The following CAT variants were observed in gnomAD, a reference collection of about 807,000 sequenced individuals.
CAT encodes epididymis secretory sperm binding protein.
Under a neutral mutation model 59.0 loss-of-function variants are expected in CAT, and 43 were observed. The observed-to-expected ratio is 0.73, with a 90% CI of 0.57 to 0.94. The LOEUF (loss-of-function observed/expected upper bound fraction) is 0.94, where lower values mean the gene tolerates loss of function less well. CAT is among the 40% of genes least tolerant of loss of function. The probability of loss-of-function intolerance (pLI) is 0.00; values close to 1 mark genes in which losing one functional copy is unlikely to be tolerated. For synonymous variants in CAT, 218 were observed against 230.9 expected (o/e 0.94, Z 0.51); for missense variants, 664 against 682.9 (o/e 0.97, Z 0.31).
At chr11:34,445,001 A>G (rs372500944) in intron 1 of CAT, among the ~76,000 whole-genome samples, 34 of 152,252 alleles carry the variant, frequency 2.2e-4, no homozygotes, top group African/African-American at 7.9e-4. Context: ...TGGAGGGGCG[A>G]TGCAGGGAGA....
intron 9 of CAT, among the ~76,000 whole-genome samples, chr11:34,463,230 A>G (rs1856671554): frequency 6.6e-6 from 1 of 152,248 alleles, no homozygotes; most frequent in South Asian, 2.1e-4. Flanking sequence ...TTGAGAAAAT[A>G]AATATGCTAA....
chr11:34,439,463 C>T (rs1424927175), intron 1 of CAT, among the ~76,000 whole-genome samples: 1 of 152,150 alleles, frequency 6.6e-6, no homozygotes, highest in African/African-American at 2.4e-5. Flanking sequence ...TGGTGCCCTT[C>T]TTGAAATACT....
intron 10 of CAT, among the ~76,000 whole-genome samples, chr11:34,466,768 G>T (rs1186966808): frequency 1.8e-5 from 2 of 108,710 alleles, no homozygotes; most frequent in Non-Finnish European, 3.4e-5. Context: ...GCGACAGAGC[G>T]AGACTCCGTC....
In CAT at chr11:34,453,145, C is replaced by T. The variant is rs373304220; in HGVS notation, c.536C>T (p.Pro179Leu). The T allele has an allele frequency of 2.8e-5, 45 of 1,613,388 alleles. No individual in the cohort carries two copies. Among genetic ancestry groups the T allele is most frequent in the Non-Finnish European group, 3.6e-5 (42 of 1,179,528 alleles). The change falls in exon 5 of 13, where the codon CCG (proline) becomes CTG (leucine). Residue 179 changes from proline (P) to leucine (L), a missense_variant. Transcript: ENST00000241052. The part of the protein sequence containing the change: ...KRNPQTHLKD[P>L]DMVWDFWSLR... ...AATCCTCAGACACATCTGAAGGATC[C>T]GGACATGGTCTGGGACTTCTGGAGC... is the stretch of plus-strand genomic sequence containing the variant.
intron 1 of CAT, among the ~76,000 whole-genome samples, chr11:34,446,880 T>C (rs918376151): frequency 5.9e-5 from 9 of 152,072 alleles, no homozygotes; most frequent in African/African-American, 2.2e-4. Context: ...TAGCTGGGAC[T>C]ACAGTCACCC....
In CAT at chr11:34,468,308, C is replaced by T. The variant is rs369711323; in HGVS notation, c.1347C>T (p.Asn449=). 6 of 1,613,748 alleles carry T rather than the reference C, an allele frequency of 3.7e-6. No individual in the cohort carries two copies. Among genetic ancestry groups the T allele is most frequent in the Middle Eastern group, 3.3e-4 (2 of 6,084 alleles). ...NVTQVRAFYV[N]VLNEEQRKRL... is the part of the protein sequence containing the mutation. ...AGCAGGTGCGGGCATTCTATGTGAACGTGCTGAATGAGGAACAGAGGAAAC... is the reference window on the plus strand; with the variant it reads ...AGCAGGTGCGGGCATTCTATGTGAATGTGCTGAATGAGGAACAGAGGAAAC... Residue 449 remains asparagine (N), a synonymous_variant, in exon 11 of 13, where the codon AAC becomes AAT. Transcript: ENST00000241052.
At chr11:34,470,832 T>TAGTACTGCC in intron 11 of CAT, 126 bp from the exon 12 acceptor site, 1 of 810,072 alleles carries the variant, frequency 1.2e-6, no homozygotes, top group Non-Finnish European at 2.2e-6. Context: ...TAAACACCTG[T>TAGTACTGCC]AGTACTGCCT....
intron 1 of CAT, among the ~76,000 whole-genome samples, chr11:34,447,064 A>G (rs1248229113): frequency 1.3e-5 from 2 of 152,124 alleles, no homozygotes; most frequent in South Asian, 4.1e-4. Flanking sequence ...TTTATTTTTT[A>G]AAGGCTTCCT....
intron 1 of CAT, among the ~76,000 whole-genome samples, chr11:34,445,606 G>A (rs973427299): frequency 6.6e-6 from 1 of 151,838 alleles, no homozygotes; most frequent in Non-Finnish European, 1.5e-5. Context: ...TTCATGAGTG[G>A]TGTGGGGCAG....
intron 1 of CAT, among the ~76,000 whole-genome samples, chr11:34,448,900 A>G (rs1468072088): frequency 2.0e-5 from 3 of 152,290 alleles, no homozygotes; most frequent in South Asian, 4.1e-4. Flanking sequence ...TGCAGAACCC[A>G]GTGGCTTTCT....
chr11:34,468,763 A>G (rs1856745603), intron 11 of CAT, among the ~76,000 whole-genome samples: 1 of 152,188 alleles, frequency 6.6e-6, no homozygotes, highest in Admixed American at 6.5e-5. Flanking sequence ...TAATAAATAT[A>G]TCAGCCGGTG....
At chr11:34,443,980 A>T (rs764823069) in intron 1 of CAT, among the ~76,000 whole-genome samples, 1 of 152,172 alleles carries the variant, frequency 6.6e-6, no homozygotes, top group Non-Finnish European at 1.5e-5. Flanking sequence ...ATGGGACAGA[A>T]ATTTTTAAGG....
chr11:34,466,271 A>G (rs997751685), intron 10 of CAT, among the ~76,000 whole-genome samples: 1 of 152,240 alleles, frequency 6.6e-6, no homozygotes, highest in Non-Finnish European at 1.5e-5. Flanking sequence ...CTTTGGTGGA[A>G]AATAGAAACT....
intron 9 of CAT, among the ~76,000 whole-genome samples, chr11:34,462,357 AAAAAG>A (rs1856661480): frequency 6.6e-6 from 1 of 152,220 alleles, no homozygotes; most frequent in African/African-American, 2.4e-5. Context: ...AAAAAGAAGA[AAAAAG>A]AAAAATTCCC....
chr11:34,456,333 G>A (rs1590304453), intron 7 of CAT, 131 bp downstream of exon 7: 4 of 732,176 alleles, frequency 5.5e-6, no homozygotes, highest in Non-Finnish European at 6.8e-6. Context: ...ACTTCAGAGT[G>A]TCCTAAGCTG....
At chr11:34,461,702 T>G (rs1780215407) in intron 9 of CAT, among the ~76,000 whole-genome samples, 1 of 152,232 alleles carries the variant, frequency 6.6e-6, no homozygotes, top group African/African-American at 2.4e-5. Context: ...ACATCCAGCT[T>G]GGGAGTTAGG....
At chr11:34,461,084 G>A (rs1377929852) in intron 8 of CAT, 167 bp from the exon 9 acceptor site, 15 of 781,862 alleles carry the variant, frequency 1.9e-5, no homozygotes, top group South Asian at 5.6e-5. Context: ...GGGAGAACTC[G>A]TTTCATAAGA....
At position 34,456,778 on chromosome 11, in the gene CAT, G is replaced by A; in HGVS notation, c.1017G>A (p.Met339Ile). Reference protein sequence around the residue: ...VEQIAFDPSNMPPGIEASPDK... With the variant: ...VEQIAFDPSNIPPGIEASPDK... ...AGATAGCCTTCGACCCAAGCAACATGCCACCTGGCATTGAGGCCAGTCCTG... is the reference window on the plus strand; with the variant it reads ...AGATAGCCTTCGACCCAAGCAACATACCACCTGGCATTGAGGCCAGTCCTG... The change falls in exon 8 of 13, where the codon ATG becomes ATA. Residue 339 changes from methionine to isoleucine, a missense_variant. Transcript: ENST00000241052. 6.2e-7 allele frequency: 1 copy of A among 1,614,212 alleles called. No homozygotes were observed. The highest frequency in any genetic ancestry group is 8.5e-7 in the Non-Finnish European group (1 of 1,180,028).
Position 34,439,801 on chromosome 11 carries a change from G to A in CAT, c.66+722G>A, listed in dbSNP as rs1359195163. On this transcript the variant is annotated intron_variant, in intron 1 of 12. Coordinates refer to ENST00000241052, the MANE Select transcript of CAT (RefSeq NM_001752.4). Reference sequence around the variant, plus strand: ...TTGAGAAGCTGAGAGTCTAGTCTGGGAGACGAGACACATAAACAGATGATT... The same window carrying A: ...TTGAGAAGCTGAGAGTCTAGTCTGGAAGACGAGACACATAAACAGATGATT... Among the ~76,000 whole-genome samples the A allele has an allele frequency of 2.0e-5, 3 of 152,180 alleles. No homozygotes were observed. In the East Asian group the frequency reaches 5.8e-4, roughly 29 times the overall value.
Sources: gnomAD v4.1 joint callset for allele counts (sites outside exome capture counted in the v4.1 genomes callset) on GRCh38, gnomAD v4.1.1 for gene constraint, MANE v1.5 for transcripts, NCBI Gene and HGNC (gene_info 2026-07-23, HGNC 2026-07-21) for gene names.